The following FBXL4 variants were observed in gnomAD, a reference collection of about 807,000 sequenced individuals.
The protein encoded by FBXL4 is F-box and leucine rich repeat protein 4.
In FBXL4, 40 loss-of-function variants were observed where a neutral mutation model predicts 58.9. That is an observed-to-expected ratio of 0.68 (90% CI 0.53 to 0.88). The LOEUF (loss-of-function observed/expected upper bound fraction) is 0.88, where lower values mean the gene tolerates loss of function less well. Among genes scored for constraint, FBXL4 ranks in the 40% least tolerant of loss-of-function variants. The pLI is 0.00. For missense variants in FBXL4, 676 were observed against 734.4 expected, an observed-to-expected ratio of 0.92 and a Z score of 0.92; for synonymous variants, 263 against 265.5, an observed-to-expected ratio of 0.99 and a Z score of 0.09.
intron 6 of FBXL4, among the ~76,000 whole-genome samples, 168 bp downstream of exon 6, chr6:98,905,257 AT>A (rs965839472): frequency 2.0e-5 from 3 of 152,166 alleles, no homozygotes; most frequent in Non-Finnish European, 4.4e-5. Flanking sequence ...TAAAACACTT[AT>A]TTTTTTATAA....
chr6:98,884,529 A>T (rs1019303895), intron 7 of FBXL4, among the ~76,000 whole-genome samples: 1 of 152,106 alleles, frequency 6.6e-6, no homozygotes, highest in African/African-American at 2.4e-5. Context: ...ACATTACTCC[A>T]TTGCTTATGA....
At chr6:98,947,576 C>T (rs1475965106) in intron 1 of FBXL4, among the ~76,000 whole-genome samples, 2 of 152,214 alleles carry the variant, frequency 1.3e-5, no homozygotes, top group Admixed American at 6.5e-5. Flanking sequence ...GTAGAAAGAG[C>T]CCGAGGCACG....
chr6:98,882,455 T>A (rs1047158089), intron 7 of FBXL4, among the ~76,000 whole-genome samples: 1 of 152,078 alleles, frequency 6.6e-6, no homozygotes, highest in Non-Finnish European at 1.5e-5. Context: ...ATCTTCTTCA[T>A]CAGTGTGAGG....
intron 4 of FBXL4, among the ~76,000 whole-genome samples, chr6:98,923,920 T>C (rs932919615): frequency 6.6e-6 from 1 of 152,182 alleles, no homozygotes; most frequent in Non-Finnish European, 1.5e-5. Context: ...CAGTAAAATT[T>C]AAAAAGGCTT....
intron 2 of FBXL4, among the ~76,000 whole-genome samples, chr6:98,930,755 C>CA (rs772535958): frequency 2.0e-5 from 3 of 152,262 alleles, no homozygotes; most frequent in Admixed American, 6.5e-5. Context: ...CAAAAACAGA[C>CA]AGACAACTTT....
chr6:98,920,131 CAAATTAA>C (rs1281016458), intron 4 of FBXL4, among the ~76,000 whole-genome samples: 1 of 152,000 alleles, frequency 6.6e-6, no homozygotes, highest in Non-Finnish European at 1.5e-5. Flanking sequence ...TAATGTAAAT[CAAATTAA>C]AAATTATAAA....
rs1218920711 is a variant in FBXL4 at position 98,868,625 on chromosome 6, T to C, written c.*5653A>G. 1 of 152,138 alleles carries C rather than the reference T, an allele frequency of 6.6e-6. No homozygotes were observed. The highest frequency in any genetic ancestry group is 2.4e-5 in the African/African-American group (1 of 41,452). 9.4% of individuals were successfully genotyped at this position (152,138 alleles called of 1,614,324 possible). A position where few individuals can be genotyped will look rare whatever the true frequency, so the allele number is the denominator to read the frequency against. ...ATATTGAACAGCATTTTTATGTAAA[T>C]AAAATTAAAATATCTCAGTCGTCTG... is the stretch of plus-strand genomic sequence containing the variant. On this transcript the variant is annotated 3_prime_UTR_variant, in exon 10 of 10. Transcript: ENST00000369244.
chr6:98,885,441 A>G (rs1187245410), intron 7 of FBXL4, among the ~76,000 whole-genome samples: 1 of 151,094 alleles, frequency 6.6e-6, no homozygotes, highest in Non-Finnish European at 1.5e-5. Flanking sequence ...GATGAGATTA[A>G]CATTTAAATC....
At chr6:98,911,043 G>C (rs569732394) in intron 5 of FBXL4, among the ~76,000 whole-genome samples, 1 of 63,588 alleles carries the variant, frequency 1.6e-5, no homozygotes, top group East Asian at 2.0e-4. Context: ...ACCTGGCTCG[G>C]AGGGTCCTAC....
In FBXL4 at chr6:98,872,663, G is replaced by C. The variant is rs940671559; in HGVS notation, c.*1615C>G. 6.6e-6 allele frequency: 1 copy of C among 152,014 alleles called. No individual in the cohort carries two copies. Among genetic ancestry groups the C allele is most frequent in the Non-Finnish European group, 1.5e-5 (1 of 68,010 alleles). The allele number at this position is 152,014 out of a possible 1,614,324, so 9.4% of individuals were successfully genotyped here. ...TCAGTTTTACCTCTTAGCCCACAAA[G>C]CCTAAAATATTTACTATCTGGCCCT... On this transcript the variant is annotated 3_prime_UTR_variant, in exon 10 of 10. Coordinates refer to ENST00000369244, the MANE Select transcript of FBXL4 (RefSeq NM_001278716.2).
intron 1 of FBXL4, among the ~76,000 whole-genome samples, chr6:98,935,589 A>C (rs1016891602): frequency 1.1e-3 from 160 of 151,638 alleles, no homozygotes; most frequent in African/African-American, 3.7e-3. Flanking sequence ...GGAGATCGAG[A>C]CCATCCTGGC....
chr6:98,906,042 G>A lies in FBXL4; in HGVS notation c.859-372C>T, dbSNP rs370157135. Among the ~76,000 whole-genome samples the A allele has an allele frequency of 3.0e-4, 46 of 152,258 alleles. No individual in the cohort carries two copies. The East Asian group carries it at 8.5e-3, about 28-fold the overall frequency. ...CCATTCTCAGAGTGCTTACAGTCCA[G>A]TGGGGATTGGTAAGGACAATGATAC... On this transcript the variant is annotated intron_variant, in intron 5 of 9. Coordinates refer to ENST00000369244, the MANE Select transcript of FBXL4 (RefSeq NM_001278716.2).
intron 1 of FBXL4, among the ~76,000 whole-genome samples, chr6:98,945,044 A>G (rs1019156973): frequency 6.6e-6 from 1 of 152,226 alleles, no homozygotes; most frequent in Admixed American, 6.5e-5. Flanking sequence ...GGCAAAAGCA[A>G]TATTTTAACA....
At chr6:98,935,814 A>C (rs1228439008) in intron 1 of FBXL4, among the ~76,000 whole-genome samples, 2 of 151,780 alleles carry the variant, frequency 1.3e-5, no homozygotes, top group Non-Finnish European at 2.9e-5. Context: ...AAAAAGAATA[A>C]GGCATCTGAA....
Position 98,898,524 on chromosome 6 carries a change from G to C in FBXL4, c.1317+744C>G, listed in dbSNP as rs563401437. 121 of 902,164 alleles carry C rather than the reference G, an allele frequency of 1.3e-4. No homozygotes were observed. In the South Asian group the frequency reaches 5.5e-3, roughly 41 times the overall value. The allele number at this position is 902,164 out of a possible 1,614,324, so 55.9% of individuals were successfully genotyped here. A position where few individuals can be genotyped will look rare whatever the true frequency, so the allele number is the denominator to read the frequency against. ...GGAGGCTGAGGCAGGAGAATCGCTT[G>C]AACTGGTCAGGCGGAGGTTTCAGTG... is the stretch of plus-strand genomic sequence containing the variant. On this transcript the variant is annotated intron_variant, in intron 7 of 9. Transcript: ENST00000369244.
chr6:98,929,133 T>G (rs555014052), intron 2 of FBXL4, among the ~76,000 whole-genome samples: 2 of 152,302 alleles, frequency 1.3e-5, no homozygotes, highest in East Asian at 3.9e-4. Flanking sequence ...TCTAAAATAA[T>G]TTTAAATTGT....
At chr6:98,893,161 G>C (rs1771287049) in intron 7 of FBXL4, among the ~76,000 whole-genome samples, 1 of 152,070 alleles carries the variant, frequency 6.6e-6, no homozygotes, top group Admixed American at 6.5e-5. Context: ...GATTGTTTTA[G>C]TACGTGTGGG....
chr6:98,912,607 T>A (rs1227881508), intron 5 of FBXL4, among the ~76,000 whole-genome samples: 1 of 152,040 alleles, frequency 6.6e-6, no homozygotes, highest in Non-Finnish European at 1.5e-5. Flanking sequence ...AATAAAATAC[T>A]TCACGGACAA....
At chr6:98,932,780 A>C (rs1203195376) in intron 2 of FBXL4, among the ~76,000 whole-genome samples, 1 of 152,194 alleles carries the variant, frequency 6.6e-6, no homozygotes, top group African/African-American at 2.4e-5. Flanking sequence ...TTCTCAAGTT[A>C]TACTACAGTG....
Sources: gnomAD v4.1 joint callset for allele counts (sites outside exome capture counted in the v4.1 genomes callset) on GRCh38, gnomAD v4.1.1 for gene constraint, MANE v1.5 for transcripts, NCBI Gene and HGNC (gene_info 2026-07-23, HGNC 2026-07-21) for gene names.